Variants in CNTLN observed in about 807,000 individuals in gnomAD.
CNTLN encodes centlein.
Under a neutral mutation model 180.0 loss-of-function variants are expected in CNTLN, and 212 were observed. The observed-to-expected ratio is 1.18, with a 90% confidence interval of 1.05 to 1.32. The LOEUF (loss-of-function observed/expected upper bound fraction) is 1.32. Among genes scored for constraint, CNTLN ranks in the 40% most tolerant of loss-of-function variants. The pLI, the probability that CNTLN is intolerant of heterozygous loss-of-function variation, is 0.00. For missense variants in CNTLN, 2,095 were observed against 1,610.9 expected, an observed-to-expected ratio of 1.30 and a Z score of -5.14; for synonymous variants, 722 against 563.1, an observed-to-expected ratio of 1.28 and a Z score of -3.99.
intron 12 of CNTLN, among the ~76,000 whole-genome samples, chr9:17,363,813 A>G (rs113158344): frequency 0.025 from 3,777 of 152,106 alleles, 162 homozygotes; most frequent in African/African-American, 0.087. Flanking sequence ...GTCTTTCTTC[A>G]TCACTGCTTA....
chr9:17,390,204 A>G (rs10810782), intron 14 of CNTLN, among the ~76,000 whole-genome samples: 66,215 of 146,522 alleles, frequency 0.45, 16,463 homozygotes, highest in Non-Finnish European at 0.56. Flanking sequence ...TCATAATATC[A>G]GGCATTGTAT....
At chr9:17,366,781 T>C (rs1823859201) in intron 13 of CNTLN, 64 bp downstream of exon 13, 1 of 904,582 alleles carries the variant, frequency 1.1e-6, no homozygotes, top group Admixed American at 2.4e-5. Context: ...CTTGATGTTT[T>C]AGTTTCAATT....
At position 17,226,284 on chromosome 9, in the gene CNTLN, A is replaced by G. The variant is rs1426186330; in HGVS notation, c.531A>G (p.Glu177=). 3.2e-6 allele frequency: 5 copies of G among 1,545,994 alleles called. No homozygotes were observed. The South Asian group carries it at 4.9e-5, about 15-fold the overall frequency. Residue 177 remains glutamate, a synonymous_variant, in exon 3 of 26, where the codon GAA becomes GAG. Coordinates refer to ENST00000380647, the MANE Select transcript of CNTLN (RefSeq NM_017738.4). ...QVKDAKIQEF[E]QRESVLKQEI... is the part of the protein sequence containing the mutation. ...AGGATGCCAAAATACAAGAATTTGA[A>G]CAGGTTGGTGTTATAATAAAAATAT...
In CNTLN at chr9:17,166,348, G is replaced by A. The variant is rs1164255863; in HGVS notation, c.449+22972G>A. Among the ~76,000 whole-genome samples, 9 of 152,182 alleles carry A rather than the reference G, an allele frequency of 5.9e-5. No individual in the cohort carries two copies. The East Asian group carries it at 1.5e-3, about 26-fold the overall frequency. Reference sequence around the variant, plus strand: ...AACAGAGACAAAGGAGTAGTAAATAGGAGCAAAAGGAAAAGAATAAGAATC... The same window carrying A: ...AACAGAGACAAAGGAGTAGTAAATAAGAGCAAAAGGAAAAGAATAAGAATC... On this transcript the variant is annotated intron_variant, in intron 2 of 25. Transcript: ENST00000380647.
At chr9:17,398,926 C>G (rs570642771) in intron 15 of CNTLN, among the ~76,000 whole-genome samples, 3 of 152,206 alleles carry the variant, frequency 2.0e-5, no homozygotes, top group African/African-American at 7.2e-5. Context: ...CTTCTTCCCT[C>G]TCTGCCAAAA....
chr9:17,333,750 ATG>A (rs1286830978), intron 10 of CNTLN, among the ~76,000 whole-genome samples: 2 of 40,508 alleles, frequency 4.9e-5, no homozygotes, highest in Non-Finnish European at 9.1e-5. Flanking sequence ...CAAAAATAAC[ATG>A]TCCAAATGAC....
chr9:17,267,733 C>T (rs924168615), intron 5 of CNTLN, among the ~76,000 whole-genome samples: 18 of 152,062 alleles, frequency 1.2e-4, no homozygotes, highest in African/African-American at 2.7e-4. Flanking sequence ...AGGCTTTGTT[C>T]GTTTCTTTTT....
chr9:17,417,018 T>G (rs1268732590), intron 18 of CNTLN, among the ~76,000 whole-genome samples: 1 of 152,186 alleles, frequency 6.6e-6, no homozygotes, highest in Non-Finnish European at 1.5e-5. Flanking sequence ...GAAGGATTAG[T>G]GTTATGCCAT....
chr9:17,147,863 G>C (rs1818563923), intron 2 of CNTLN, among the ~76,000 whole-genome samples: 1 of 152,080 alleles, frequency 6.6e-6, no homozygotes, highest in Admixed American at 6.6e-5. Context: ...GATAAAGTTT[G>C]CCCTGTATTA....
intron 16 of CNTLN, among the ~76,000 whole-genome samples, chr9:17,410,761 TC>T (rs1231181688): frequency 1.3e-5 from 2 of 152,190 alleles, no homozygotes; most frequent in African/African-American, 2.4e-5. Context: ...TACCAATTTT[TC>T]CCCAATATTT....
chr9:17,340,310 A>T (rs1442121472), intron 10 of CNTLN, among the ~76,000 whole-genome samples: 1 of 152,114 alleles, frequency 6.6e-6, no homozygotes, highest in South Asian at 2.1e-4. Flanking sequence ...AGAAGGTTAA[A>T]CTATGCTCCT....
chr9:17,433,944 A>G (rs1829595525), intron 18 of CNTLN, among the ~76,000 whole-genome samples: 1 of 152,218 alleles, frequency 6.6e-6, no homozygotes, highest in African/African-American at 2.4e-5. Flanking sequence ...TATGGAGATG[A>G]TAATAAGAGT....
chr9:17,188,794 A>C (rs1285959616), intron 2 of CNTLN, among the ~76,000 whole-genome samples: 1 of 151,950 alleles, frequency 6.6e-6, no homozygotes, highest in African/African-American at 2.4e-5. Flanking sequence ...TTTTCTTTTA[A>C]ATTATTGAGT....
intron 18 of CNTLN, among the ~76,000 whole-genome samples, chr9:17,437,730 A>C (rs1031028992): frequency 1.3e-5 from 2 of 152,228 alleles, no homozygotes; most frequent in Non-Finnish European, 2.9e-5. Flanking sequence ...CAATGAATTA[A>C]ATATGAACCT....
the CNTLN span, among the ~76,000 whole-genome samples, chr9:17,521,546 C>A: frequency 1.3e-5 from 2 of 152,104 alleles, no homozygotes; most frequent in Admixed American, 6.6e-5. Context: ...TAGCTTTTAG[C>A]CATTTTTACA....
intron 8 of CNTLN, among the ~76,000 whole-genome samples, chr9:17,318,765 A>G (rs1227839995): frequency 1.3e-5 from 2 of 152,166 alleles, no homozygotes; most frequent in Non-Finnish European, 2.9e-5. Flanking sequence ...CATTAGTAAC[A>G]TATACTTTAT....
chr9:17,284,678 C>T (rs1005222639), intron 6 of CNTLN, among the ~76,000 whole-genome samples: 30 of 151,970 alleles, frequency 2.0e-4, no homozygotes, highest in Non-Finnish European at 3.7e-4. Context: ...TGCAGTCTAT[C>T]CATTTTATTA....
At chr9:17,205,243 G>C (rs1822835715) in intron 2 of CNTLN, among the ~76,000 whole-genome samples, 1 of 152,150 alleles carries the variant, frequency 6.6e-6, no homozygotes, top group Admixed American at 6.5e-5. Context: ...ACACACACTT[G>C]TTACCTTTAA....
At chr9:17,512,831 G>GT in the CNTLN span, among the ~76,000 whole-genome samples, 2 of 152,004 alleles carry the variant, frequency 1.3e-5, no homozygotes, top group Non-Finnish European at 2.9e-5. Flanking sequence ...TTTTGTTTTT[G>GT]TTTGAGATGG....
Sources: allele counts gnomAD v4.1 joint callset (sites outside exome capture counted in the v4.1 genomes callset), GRCh38; gene constraint gnomAD v4.1.1; transcripts MANE v1.5; gene names NCBI Gene and HGNC (gene_info 2026-07-23, HGNC 2026-07-21).